The following MTHFD1L variants were observed in gnomAD, a reference collection of about 807,000 sequenced individuals.
MTHFD1L encodes the protein monofunctional C1-tetrahydrofolate synthase, mitochondrial.
Under a neutral mutation model 119.5 loss-of-function variants are expected in MTHFD1L, and 81 were observed. That is an observed-to-expected ratio of 0.68 (90% confidence interval 0.57 to 0.82). The LOEUF (loss-of-function observed/expected upper bound fraction) is 0.82. MTHFD1L is among the 40% of genes least tolerant of loss of function. MTHFD1L has a pLI of 0.00. For missense variants in MTHFD1L, 1,125 were observed against 1,253.4 expected (o/e 0.90, Z 1.55); for synonymous variants, 430 against 475.2 (o/e 0.90, Z 1.24).
intron 20 of MTHFD1L, among the ~76,000 whole-genome samples, chr6:150,983,866 G>A (rs1035305070): frequency 1.1e-4 from 17 of 152,032 alleles, no homozygotes; most frequent in Non-Finnish European, 1.2e-4. Context: ...TACCTCCTGG[G>A]CTCGAGCGAT....
intron 8 of MTHFD1L, among the ~76,000 whole-genome samples, chr6:150,917,058 G>T (rs1377164484): frequency 6.6e-6 from 1 of 151,738 alleles, no homozygotes; most frequent in Non-Finnish European, 1.5e-5. Flanking sequence ...ACCATGCCTG[G>T]CCGGTTCTAT....
rs188417964 is a variant in MTHFD1L, at chr6:151,000,522, G to A, written c.2126-9297G>A. Among the ~76,000 whole-genome samples the A allele has an allele frequency of 4.1e-3, 623 of 152,294 alleles. 7 individuals are homozygous for A. Among genetic ancestry groups the A allele is most frequent in the African/African-American group, 0.014 (568 of 41,570 alleles). ...AAGAGCAGAAAGGATTTAGTGGTTAGTGAAATTTCATTGACTTAAGATGAG... is the reference window on the plus strand; with the variant it reads ...AAGAGCAGAAAGGATTTAGTGGTTAATGAAATTTCATTGACTTAAGATGAG... On this transcript the variant is annotated intron_variant, in intron 20 of 27. Transcript: ENST00000367321.
chr6:150,876,672 T>C (rs1389211721), intron 2 of MTHFD1L, among the ~76,000 whole-genome samples: 1 of 152,246 alleles, frequency 6.6e-6, no homozygotes, highest in Non-Finnish European at 1.5e-5. Flanking sequence ...CTGCAGGCTC[T>C]GGTTCTGAGC....
At position 150,941,017 on chromosome 6, in the gene MTHFD1L, G is replaced by C. The variant is rs762606414; in HGVS notation, c.1440+2272G>C. The stretch of plus-strand genomic sequence containing the variant: ...CGTGCCTGACACTTGGTGGATGTTT[G>C]TTGACTGTGTGCCAGGCACAGACAA... On this transcript the variant is annotated intron_variant, in intron 13 of 27. Coordinates refer to ENST00000367321, the MANE Select transcript of MTHFD1L (RefSeq NM_015440.5). 1.9e-3 allele frequency among the ~76,000 whole-genome samples: 295 copies of C among 152,218 alleles called. 1 individual carries two copies. Among genetic ancestry groups the C allele is most frequent in the Non-Finnish European group, 3.1e-3 (212 of 68,040 alleles).
intron 20 of MTHFD1L, among the ~76,000 whole-genome samples, chr6:150,980,433 T>C (rs538130457): frequency 4.3e-4 from 66 of 152,184 alleles, no homozygotes; most frequent in Non-Finnish European, 6.8e-4. Flanking sequence ...CCTCTGTCCT[T>C]TGAAAACAAA....
rs189412854 is a variant in MTHFD1L at position 150,956,069 on chromosome 6, C to G, written c.1801C>G (p.Gln601Glu). The change falls in exon 17 of 28, where the codon CAG (glutamine) becomes GAG (glutamate). Residue 601 changes from glutamine to glutamate, a missense_variant and splice_region_variant. This residue lies in a region of MTHFD1L where 1,058 missense variants were observed against 1,151.2 expected (regional missense o/e 0.92). Coordinates refer to ENST00000367321, the MANE Select transcript of MTHFD1L (RefSeq NM_015440.5). ...QGNTEKGHYRQAQFDIAVASE... is the reference protein window; with the variant it reads ...QGNTEKGHYREAQFDIAVASE... ...AAACACAGAGAAGGGCCATTACCGG[C>G]AGGTAGGTGGTGCTTTCTTCCCGGG... 3 of 1,613,624 alleles carry G rather than the reference C, an allele frequency of 1.9e-6. No individual in the cohort carries two copies. Among genetic ancestry groups the G allele is most frequent in the Non-Finnish European group, 2.5e-6 (3 of 1,179,520 alleles).
At chr6:150,957,451 G>A (rs983230973) in intron 17 of MTHFD1L, among the ~76,000 whole-genome samples, 3 of 152,114 alleles carry the variant, frequency 2.0e-5, no homozygotes, top group South Asian at 2.1e-4. Flanking sequence ...GGATGAGTTT[G>A]TTATTACTAA....
chr6:150,913,525 C>T (rs913816747), intron 8 of MTHFD1L, among the ~76,000 whole-genome samples: 2 of 152,104 alleles, frequency 1.3e-5, no homozygotes. Context: ...AGGCTGCTCT[C>T]GAACTCCTGG....
At chr6:150,882,632 A>G (rs1329983491) in intron 4 of MTHFD1L, 130 bp from the exon 5 acceptor site, 3 of 659,400 alleles carry the variant, frequency 4.5e-6, no homozygotes, top group Non-Finnish European at 6.9e-6. Flanking sequence ...CAAGTTTCCA[A>G]CAAGGAGCAA....
chr6:151,000,402 T>C (rs1369342915), intron 20 of MTHFD1L, among the ~76,000 whole-genome samples: 1 of 151,900 alleles, frequency 6.6e-6, no homozygotes, highest in African/African-American at 2.4e-5. Flanking sequence ...GGTCTCCTGA[T>C]ATGTGTCTAG....
chr6:151,065,793 CACCACATGCGGTGGCCGCCATG>C (rs1311999398), intron 26 of MTHFD1L, among the ~76,000 whole-genome samples: 1 of 152,244 alleles, frequency 6.6e-6, no homozygotes, highest in Non-Finnish European at 1.5e-5. Flanking sequence ...GACCCACCTG[CACCACATGCGGTGGCCGCCATG>C]ACCACAAGAC....
chr6:150,981,570 C>CT (rs34257332), intron 20 of MTHFD1L, among the ~76,000 whole-genome samples: 1 of 152,152 alleles, frequency 6.6e-6, no homozygotes. Context: ...GGTCACTGCA[C>CT]TTTTTCTGTA....
chr6:150,954,980 G>T (rs533659146), intron 16 of MTHFD1L, among the ~76,000 whole-genome samples: 2 of 134,854 alleles, frequency 1.5e-5, no homozygotes, highest in African/African-American at 5.6e-5. Flanking sequence ...ATTCACCCCC[G>T]CCACCCCCCA....
At chr6:150,871,891 A>ATTTTTTTTTTTTTTTTTTTTTTTTT (rs1562287413) in intron 1 of MTHFD1L, among the ~76,000 whole-genome samples, 9 of 147,048 alleles carry the variant, frequency 6.1e-5, no homozygotes, top group African/African-American at 2.0e-4. Context: ...ATTTTATTTT[A>ATTTTTTTTTTTTTTTTTTTTTTTTT]TTTTTTGAGA....
chr6:150,910,409 C>T (rs1266907840), intron 8 of MTHFD1L, among the ~76,000 whole-genome samples: 2 of 150,132 alleles, frequency 1.3e-5, no homozygotes, highest in African/African-American at 4.9e-5. Flanking sequence ...ACTAAAAATA[C>T]AAAATTAGCC....
At chr6:151,012,107 A>T (rs1018317213) in intron 21 of MTHFD1L, among the ~76,000 whole-genome samples, 2 of 148,668 alleles carry the variant, frequency 1.3e-5, no homozygotes, top group African/African-American at 5.0e-5. Flanking sequence ...GGGCTCCAGT[A>T]GTACCTTCTG....
In MTHFD1L at chr6:150,975,633, C is replaced by G. The variant is rs114348598; in HGVS notation, c.2125+3575C>G. 4.7e-3 allele frequency among the ~76,000 whole-genome samples: 710 copies of G among 152,316 alleles called. 5 individuals carry two copies. Among genetic ancestry groups the G allele is most frequent in the African/African-American group, 0.016 (674 of 41,582 alleles). ...TCACTCAGACTTGAGCTCCTCTCCTCCCCTGTCTGGGCCTCCTCTGGCTGA... is the reference window on the plus strand; with the variant it reads ...TCACTCAGACTTGAGCTCCTCTCCTGCCCTGTCTGGGCCTCCTCTGGCTGA... On this transcript the variant is annotated intron_variant, in intron 20 of 27. Coordinates refer to ENST00000367321, the MANE Select transcript of MTHFD1L (RefSeq NM_015440.5).
intron 20 of MTHFD1L, among the ~76,000 whole-genome samples, chr6:150,972,988 TA>T (rs1330126830): frequency 2.0e-5 from 3 of 152,166 alleles, no homozygotes; most frequent in Non-Finnish European, 4.4e-5. Context: ...CCCACAATAC[TA>T]AGGCAGCAAG....
At chr6:151,097,082 A>C (rs993660476) in intron 27 of MTHFD1L, among the ~76,000 whole-genome samples, 4 of 152,114 alleles carry the variant, frequency 2.6e-5, no homozygotes, top group African/African-American at 9.7e-5. Context: ...TTTTCCCCCC[A>C]TTCTTTTTTC....
Sources: allele counts gnomAD v4.1 joint callset (sites outside exome capture counted in the v4.1 genomes callset), GRCh38; gene constraint gnomAD v4.1.1; regional missense constraint gnomAD v4.1.1; transcripts MANE v1.5; gene names NCBI Gene and HGNC (gene_info 2026-07-23, HGNC 2026-07-21).